Variants in MSI2 observed in about 807,000 individuals in gnomAD.
The protein encoded by MSI2 is musashi RNA binding protein 2, also known as RNA-binding protein Musashi homolog 2.
Under a neutral mutation model 45.6 loss-of-function variants are expected in MSI2, and 17 were observed. The ratio of observed to expected loss-of-function variants is 0.37; its 90% CI spans 0.26 to 0.56. The LOEUF (loss-of-function observed/expected upper bound fraction) is 0.56. Among genes scored for constraint, MSI2 ranks in the 20% least tolerant of loss-of-function variants. MSI2 has a pLI of 0.77. For synonymous variants in MSI2, 156 were observed against 158.2 expected (o/e 0.99, Z 0.11); for missense variants, 293 against 444.2 (o/e 0.66, Z 3.06).
At chr17:57,382,961 A>G (rs2083622869) in intron 5 of MSI2, among the ~76,000 whole-genome samples, 1 of 152,194 alleles carries the variant, frequency 6.6e-6, no homozygotes, top group Non-Finnish European at 1.5e-5. Context: ...GTGTTTGAAC[A>G]TGTTCATTTG....
At chr17:57,425,924 G>GT (rs1187016545) in intron 6 of MSI2, among the ~76,000 whole-genome samples, 1 of 152,184 alleles carries the variant, frequency 6.6e-6, no homozygotes, top group Non-Finnish European at 1.5e-5. Context: ...TTGTGCCCAA[G>GT]TCTTTCTAAA....
At chr17:57,341,480 AC>A (rs760320456) in intron 5 of MSI2, among the ~76,000 whole-genome samples, 11 of 152,162 alleles carry the variant, frequency 7.2e-5, no homozygotes, top group Admixed American at 7.2e-4. Context: ...CTGGCTGGGG[AC>A]CCTGTACCAT....
the MSI2 span, among the ~76,000 whole-genome samples, chr17:57,692,608 A>T: frequency 2.0e-5 from 3 of 152,112 alleles, no homozygotes; most frequent in African/African-American, 7.2e-5. Context: ...TTGTAATGCA[A>T]ATCTGCTGGT....
At chr17:57,352,352 AT>A (rs1281412727) in intron 5 of MSI2, among the ~76,000 whole-genome samples, 1 of 152,220 alleles carries the variant, frequency 6.6e-6, no homozygotes, top group African/African-American at 2.4e-5. Flanking sequence ...TATTCTTTTG[AT>A]TTCTGGAACT....
At chr17:57,658,351 C>G (rs528164186) in intron 11 of MSI2, among the ~76,000 whole-genome samples, 4 of 152,248 alleles carry the variant, frequency 2.6e-5, no homozygotes, top group Non-Finnish European at 5.9e-5. Context: ...ACACACATCT[C>G]TCAGTCTACT....
chr17:57,345,418 T>A (rs1915519785), intron 5 of MSI2, among the ~76,000 whole-genome samples: 1 of 152,246 alleles, frequency 6.6e-6, no homozygotes, highest in South Asian at 2.1e-4. Context: ...CTTTTCTGAT[T>A]TGTCTTGTGT....
chr17:57,396,678 C>G (rs971933733), intron 5 of MSI2, among the ~76,000 whole-genome samples: 1 of 152,068 alleles, frequency 6.6e-6, no homozygotes, highest in African/African-American at 2.4e-5. Context: ...CTTTATGGAG[C>G]CAAGGGGTAT....
intron 7 of MSI2, among the ~76,000 whole-genome samples, chr17:57,542,344 C>T (rs1158408136): frequency 6.6e-6 from 1 of 152,176 alleles, no homozygotes; most frequent in Non-Finnish European, 1.5e-5. Flanking sequence ...CACTGGCAAC[C>T]CAAGAGCTGC....
chr17:57,345,201 T>A (rs1915505609), intron 5 of MSI2, among the ~76,000 whole-genome samples: 1 of 152,214 alleles, frequency 6.6e-6, no homozygotes, highest in Non-Finnish European at 1.5e-5. Context: ...GGATTACCTC[T>A]TCCCTCCCTC....
At chr17:57,663,438 G>C (rs1189308162) in intron 11 of MSI2, among the ~76,000 whole-genome samples, 1 of 152,192 alleles carries the variant, frequency 6.6e-6, no homozygotes, top group African/African-American at 2.4e-5. Context: ...GCCGGGAAAG[G>C]CACCCCAGCC....
At chr17:57,475,261 G>A (rs887413441) in intron 6 of MSI2, among the ~76,000 whole-genome samples, 2 of 152,204 alleles carry the variant, frequency 1.3e-5, no homozygotes, top group African/African-American at 4.8e-5. Flanking sequence ...AGAGGTCCCA[G>A]TTGAGTGGGA....
chr17:57,293,875 T>A (rs1420790745), intron 5 of MSI2, among the ~76,000 whole-genome samples: 1 of 151,184 alleles, frequency 6.6e-6, no homozygotes, highest in Non-Finnish European at 1.5e-5. Flanking sequence ...CCCAAAATGC[T>A]GGAATTACAG....
rs1487632530 is a variant in MSI2 at position 57,613,958 on chromosome 17, G to C, written c.538-2012G>C. On this transcript the variant is annotated intron_variant, in intron 8 of 13. Transcript: ENST00000284073. ...GTAATTATAGCATCCCCCTAACCTTGAGCACTAAAATATTTTTTGATTGAA... is the reference window on the plus strand; with the variant it reads ...GTAATTATAGCATCCCCCTAACCTTCAGCACTAAAATATTTTTTGATTGAA... 2.6e-5 allele frequency among the ~76,000 whole-genome samples: 4 copies of C among 152,306 alleles called. No homozygotes were observed. The East Asian group carries it at 7.7e-4, about 29-fold the overall frequency.
intron 6 of MSI2, among the ~76,000 whole-genome samples, chr17:57,524,402 T>C (rs1483793382): frequency 2.0e-5 from 3 of 152,224 alleles, no homozygotes; most frequent in African/African-American, 7.2e-5. Context: ...TATTTGTACT[T>C]AGGCTGATGT....
At chr17:57,518,435 C>T (rs933767741) in intron 6 of MSI2, among the ~76,000 whole-genome samples, 1 of 152,162 alleles carries the variant, frequency 6.6e-6, no homozygotes, top group African/African-American at 2.4e-5. Flanking sequence ...TTATTTCATG[C>T]CCATCAATAT....
intron 5 of MSI2, among the ~76,000 whole-genome samples, chr17:57,312,079 C>T (rs781283360): frequency 5.3e-5 from 8 of 152,140 alleles, no homozygotes; most frequent in South Asian, 2.1e-4. Context: ...GTGTTCAGGT[C>T]GGAGACAGAG....
chr17:57,621,039 G>A (rs1436025747), intron 9 of MSI2, among the ~76,000 whole-genome samples: 1 of 152,210 alleles, frequency 6.6e-6, no homozygotes, highest in Non-Finnish European at 1.5e-5. Flanking sequence ...CGAGGAGACT[G>A]CCATTTGCTG....
intron 7 of MSI2, among the ~76,000 whole-genome samples, chr17:57,533,360 G>A (rs1385583243): frequency 2.0e-5 from 3 of 152,234 alleles, no homozygotes; most frequent in African/African-American, 7.2e-5. Context: ...CCCTGGAGAT[G>A]TGGGGGCTCT....
intron 5 of MSI2, among the ~76,000 whole-genome samples, chr17:57,268,821 C>T (rs1009042085): frequency 3.3e-5 from 5 of 151,910 alleles, no homozygotes; most frequent in Non-Finnish European, 5.9e-5. Flanking sequence ...GGTAACAGAG[C>T]GAGACTCCAT....
Sources: allele counts gnomAD v4.1 joint callset (sites outside exome capture counted in the v4.1 genomes callset), GRCh38; gene constraint gnomAD v4.1.1; transcripts MANE v1.5; gene names NCBI Gene and HGNC (gene_info 2026-07-23, HGNC 2026-07-21).